Variants in TNFSF13B observed in about 807,000 individuals in gnomAD.
TNFSF13B encodes tumor necrosis factor ligand superfamily member 13B.
Under a neutral mutation model 29.1 loss-of-function variants are expected in TNFSF13B, and 8 were observed. That is an observed-to-expected ratio of 0.27 (90% confidence interval 0.16 to 0.50). The LOEUF is 0.50. Ranked by LOEUF, TNFSF13B falls within the 20% of genes least tolerant of loss-of-function variation. The pLI is 0.98. For synonymous variants in TNFSF13B, 125 were observed against 130.8 expected, an observed-to-expected ratio of 0.96 and a Z score of 0.30; for missense variants, 248 against 334.9, an observed-to-expected ratio of 0.74 and a Z score of 2.03.
intron 2 of TNFSF13B, among the ~76,000 whole-genome samples, chr13:108,278,653 TTTC>T (rs1880837266): frequency 5.2e-3 from 14 of 2,692 alleles, no homozygotes; most frequent in African/African-American, 0.011. Context: ...TCCACTTCTC[TTTC>T]TCCTCCTCCT....
At chr13:108,278,724 C>T (rs982925653) in intron 2 of TNFSF13B, among the ~76,000 whole-genome samples, 11 of 148,956 alleles carry the variant, frequency 7.4e-5, no homozygotes, top group African/African-American at 2.8e-4. Context: ...CTTCCTCCTC[C>T]TCCTCCTTCT....
chr13:108,293,805 G>C (rs897659970), intron 3 of TNFSF13B, among the ~76,000 whole-genome samples: 4 of 152,194 alleles, frequency 2.6e-5, no homozygotes, highest in Non-Finnish European at 5.9e-5. Context: ...AACAGATTTG[G>C]TTTGTGAATG....
intron 2 of TNFSF13B, 36 bp downstream of exon 2, chr13:108,270,460 G>C (rs769174165): frequency 6.3e-7 from 1 of 1,588,866 alleles, no homozygotes; most frequent in South Asian, 1.1e-5. Context: ...AGGAGTCAGG[G>C]ATTAGAGAAT....
intron 3 of TNFSF13B, among the ~76,000 whole-genome samples, chr13:108,293,303 A>G (rs1042265499): frequency 3.3e-5 from 5 of 152,176 alleles, no homozygotes; most frequent in African/African-American, 1.2e-4. Context: ...ATGCTGGACC[A>G]CTATACTATT....
At chr13:108,288,225 G>A (rs180998509) in intron 3 of TNFSF13B, among the ~76,000 whole-genome samples, 16 of 152,126 alleles carry the variant, frequency 1.1e-4, no homozygotes, top group South Asian at 2.1e-4. Context: ...AGAACCATTC[G>A]TTCACTCACA....
intron 3 of TNFSF13B, 67 bp downstream of exon 3, chr13:108,286,926 A>T (rs1385893361): frequency 3.7e-5 from 43 of 1,163,928 alleles, no homozygotes; most frequent in Non-Finnish European, 5.2e-5. Flanking sequence ...GGATTAAGAA[A>T]ATGTGGCACA....
At position 108,270,054 on chromosome 13, in the gene TNFSF13B, G is replaced by A. The variant is rs372891557; in HGVS notation, c.159G>A (p.Leu53=). 20 of 1,609,654 alleles carry A rather than the reference G, an allele frequency of 1.2e-5. No homozygotes were observed. The highest frequency in any genetic ancestry group is 1.7e-5 in the Non-Finnish European group (20 of 1,180,000). The change falls in exon 1 of 6, where the codon CTG becomes CTA. Residue 53 remains leucine (L), a synonymous_variant. Coordinates refer to ENST00000375887, the MANE Select transcript of TNFSF13B (RefSeq NM_006573.5). ...GAAAGCTGCTGGCTGCAACCTTGCT[G>A]CTGGCACTGCTGTCTTGCTGCCTCA... ...KDGKLLAATL[L]LALLSCCLTV... is the part of the protein sequence containing the mutation.
intron 2 of TNFSF13B, among the ~76,000 whole-genome samples, chr13:108,271,708 C>T (rs920463116): frequency 3.3e-5 from 5 of 151,892 alleles, no homozygotes; most frequent in African/African-American, 1.2e-4. Flanking sequence ...ATTTTATAGT[C>T]TATATTTCCT....
At chr13:108,274,271 T>G (rs1338237213) in intron 2 of TNFSF13B, among the ~76,000 whole-genome samples, 2 of 151,770 alleles carry the variant, frequency 1.3e-5, no homozygotes, top group African/African-American at 4.8e-5. Flanking sequence ...TCAACTGTAT[T>G]TGTTCATATA....
chr13:108,295,279 A>AT (rs1881433038), intron 3 of TNFSF13B, among the ~76,000 whole-genome samples: 1 of 145,380 alleles, frequency 6.9e-6, no homozygotes, highest in Admixed American at 6.8e-5. Flanking sequence ...GGTTCAGGCG[A>AT]TTCTCCTGCC....
At chr13:108,291,213 C>CT (rs201196912) in intron 3 of TNFSF13B, among the ~76,000 whole-genome samples, 2,050 of 150,950 alleles carry the variant, frequency 0.014, 48 homozygotes, top group African/African-American at 0.046. Context: ...TAGAATTTTT[C>CT]TTTTTTTTCT....
At chr13:108,293,659 C>T (rs752491064) in intron 3 of TNFSF13B, among the ~76,000 whole-genome samples, 2 of 152,120 alleles carry the variant, frequency 1.3e-5, no homozygotes, top group African/African-American at 4.8e-5. Flanking sequence ...AAATTTACTT[C>T]TAGGTGTTAT....
At chr13:108,294,449 G>A (rs1042724402) in intron 3 of TNFSF13B, among the ~76,000 whole-genome samples, 1 of 152,118 alleles carries the variant, frequency 6.6e-6, no homozygotes, top group Non-Finnish European at 1.5e-5. Context: ...CAAAGTGTTA[G>A]TATTACAGGC....
chr13:108,278,580 CCT>C (rs1880825073), intron 2 of TNFSF13B, among the ~76,000 whole-genome samples: 2 of 138,938 alleles, frequency 1.4e-5, no homozygotes, highest in African/African-American at 2.7e-5. Flanking sequence ...CCCCTCCTCT[CCT>C]CCTCCTCCCC....
At position 108,272,561 on chromosome 13, in the gene TNFSF13B, CT is replaced by C. The variant is rs572480657; in HGVS notation, c.424+2143del. Among the ~76,000 whole-genome samples, 5 of 152,106 alleles carry C rather than the reference CT, an allele frequency of 3.3e-5. No individual in the cohort carries two copies. The South Asian group carries it at 1.0e-3, about 32-fold the overall frequency. ...CATTGGCTTTAACTTCCCCCTCTCTCTTTTTTCCTTTCTAACTGGTATCTCA... is the reference window on the plus strand; with the variant it reads ...CATTGGCTTTAACTTCCCCCTCTCTCTTTTTCCTTTCTAACTGGTATCTCA... On this transcript the variant is annotated intron_variant, in intron 2 of 5. Coordinates refer to ENST00000375887, the MANE Select transcript of TNFSF13B (RefSeq NM_006573.5).
At chr13:108,283,275 A>C (rs1033551788) in intron 2 of TNFSF13B, among the ~76,000 whole-genome samples, 1 of 152,280 alleles carries the variant, frequency 6.6e-6, no homozygotes, top group Non-Finnish European at 1.5e-5. Flanking sequence ...GTCTGGAACA[A>C]GGACAATTAT....
intron 3 of TNFSF13B, among the ~76,000 whole-genome samples, chr13:108,300,866 G>A (rs1881603009): frequency 6.6e-6 from 1 of 152,170 alleles, no homozygotes; most frequent in Admixed American, 6.5e-5. Flanking sequence ...GACCTGGGAA[G>A]TTTCTTGATC....
rs1254515817 is a variant in TNFSF13B, at chr13:108,270,444, A to G, written c.424+20A>G. The stretch of plus-strand genomic sequence containing the variant: ...AAACAGGTATGTTTTGGGCACAGAC[A>G]CTTTTAGGAGTCAGGGATTAGAGAA... On this transcript the variant is annotated intron_variant, in intron 2 of 5. Coordinates refer to ENST00000375887, the MANE Select transcript of TNFSF13B (RefSeq NM_006573.5). The G allele has an allele frequency of 1.9e-6, 3 of 1,609,586 alleles. No homozygotes were observed. The highest frequency in any genetic ancestry group is 2.6e-6 in the Non-Finnish European group (3 of 1,175,986).
chr13:108,288,248 C>G (rs1294601335), intron 3 of TNFSF13B, among the ~76,000 whole-genome samples: 1 of 152,116 alleles, frequency 6.6e-6, no homozygotes, highest in East Asian at 1.9e-4. Context: ...TTCATTGATT[C>G]ATTTAGTTTA....
Sources: gnomAD v4.1 joint callset for allele counts (sites outside exome capture counted in the v4.1 genomes callset) on GRCh38, gnomAD v4.1.1 for gene constraint, MANE v1.5 for transcripts, NCBI Gene and HGNC (gene_info 2026-07-23, HGNC 2026-07-21) for gene names.